The following CYP3A4 variants were observed in gnomAD, a reference collection of about 807,000 sequenced individuals.
CYP3A4 encodes the protein cytochrome P450 family 3 subfamily A member 4, also known as cytochrome P450 3A4.
A neutral mutation model predicts 54.9 loss-of-function variants in CYP3A4; 41 were observed. The ratio of observed to expected loss-of-function variants is 0.75; its 90% confidence interval spans 0.58 to 0.97. The LOEUF is 0.97. Among genes scored for constraint, CYP3A4 ranks in the 50% least tolerant of loss-of-function variants. CYP3A4 has a pLI of 0.00. For synonymous variants in CYP3A4, 179 were observed against 205.2 expected, an observed-to-expected ratio of 0.87 and a Z score of 1.09; for missense variants, 510 against 597.3, an observed-to-expected ratio of 0.85 and a Z score of 1.52.
chr7:99,761,118 C>A, intron 11 of CYP3A4, 137 bp from the exon 12 acceptor site: 1 of 939,044 alleles, frequency 1.1e-6, no homozygotes, highest in East Asian at 2.5e-5. Flanking sequence ...CATTGAAATC[C>A]TGCTATGCTT....
chr7:99,779,305 T>C (rs1481111299), intron 2 of CYP3A4, among the ~76,000 whole-genome samples: 1 of 152,130 alleles, frequency 6.6e-6, no homozygotes, highest in Non-Finnish European at 1.5e-5. Flanking sequence ...ATCTCAGTTA[T>C]ATCCAGTCTG....
chr7:99,768,494 C>T lies in CYP3A4; in HGVS notation c.530G>A (p.Gly177Glu). 4 of 1,613,760 alleles carry T rather than the reference C, an allele frequency of 2.5e-6. No homozygotes were observed. Among genetic ancestry groups the T allele is most frequent in the Non-Finnish European group, 3.4e-6 (4 of 1,179,894 alleles). The change falls in exon 7 of 13, where the codon GGG becomes GAG. Residue 177 changes from glycine (G) to glutamate (E), a missense_variant. Transcript: ENST00000651514. ...AGTGATCACATCCATGCTGTAGGCC[C>T]CAAAGACGCTGAGTGGAGAAAGATG... ...GKPVTLKDVF[G>E]AYSMDVITST...
At chr7:99,760,738 G>C in intron 12 of CYP3A4, 81 bp downstream of exon 12, 1 of 1,519,512 alleles carries the variant, frequency 6.6e-7, no homozygotes. Context: ...GATTAAACAA[G>C]CATATTCTTT....
chr7:99,760,106 A>AGTG (rs1815280890), intron 12 of CYP3A4, among the ~76,000 whole-genome samples: 1 of 152,106 alleles, frequency 6.6e-6, no homozygotes, highest in East Asian at 1.9e-4. Flanking sequence ...AAGTGCTGGG[A>AGTG]TTACAGGCAT....
intron 9 of CYP3A4, among the ~76,000 whole-genome samples, chr7:99,764,731 A>G (rs1351394697): frequency 2.0e-5 from 3 of 152,240 alleles, no homozygotes. Context: ...ATCAGGTGAT[A>G]GATCTAGGCT....
intron 6 of CYP3A4, among the ~76,000 whole-genome samples, chr7:99,769,133 AT>A (rs989112855): frequency 2.0e-5 from 3 of 152,128 alleles, no homozygotes; most frequent in South Asian, 2.1e-4. Flanking sequence ...TCAAAATTTG[AT>A]TTGGAAATTT....
intron 4 of CYP3A4, among the ~76,000 whole-genome samples, chr7:99,771,660 C>T (rs1815636852): frequency 6.6e-6 from 1 of 152,064 alleles, no homozygotes; most frequent in African/African-American, 2.4e-5. Context: ...TAAAACAAAT[C>T]TGAAAAAATA....
At chr7:99,761,473 C>A (rs1279212778) in intron 11 of CYP3A4, among the ~76,000 whole-genome samples, 13 of 151,964 alleles carry the variant, frequency 8.6e-5, no homozygotes, top group Middle Eastern at 3.4e-3. Context: ...ACCTTGTCTT[C>A]TCCCTCCTTC....
intron 8 of CYP3A4, 43 bp downstream of exon 8, chr7:99,767,088 A>G (rs1160990867): frequency 3.2e-6 from 5 of 1,585,538 alleles, no homozygotes; most frequent in Admixed American, 1.8e-5. Context: ...CTAAAAAATT[A>G]TGAAAAACTA....
At chr7:99,772,074 T>G (rs1450085647) in intron 4 of CYP3A4, among the ~76,000 whole-genome samples, 2 of 152,174 alleles carry the variant, frequency 1.3e-5, no homozygotes, top group Non-Finnish European at 2.9e-5. Flanking sequence ...AAAGGAAATA[T>G]TAATACATTG....
At chr7:99,771,936 C>T (rs1336111463) in intron 4 of CYP3A4, among the ~76,000 whole-genome samples, 3 of 151,918 alleles carry the variant, frequency 2.0e-5, no homozygotes, top group Non-Finnish European at 2.9e-5. Context: ...CAAAAAATAA[C>T]ACAAAATTGA....
intron 9 of CYP3A4, 82 bp from the exon 10 acceptor site, chr7:99,764,097 G>T: frequency 6.3e-7 from 1 of 1,595,130 alleles, no homozygotes; most frequent in Non-Finnish European, 8.6e-7. Flanking sequence ...TCTAAGTGAA[G>T]CCCTCAAATC....
intron 11 of CYP3A4, among the ~76,000 whole-genome samples, chr7:99,761,823 G>GT (rs1815340677): frequency 6.6e-6 from 1 of 152,070 alleles, no homozygotes; most frequent in African/African-American, 2.4e-5. Context: ...GACCTTCATC[G>GT]TAAGTTGTTG....
chr7:99,770,086 T>G, intron 5 of CYP3A4, 36 bp downstream of exon 5: 1 of 1,588,082 alleles, frequency 6.3e-7, no homozygotes, highest in Non-Finnish European at 8.6e-7. Context: ...GATTCATTCT[T>G]TAAGTTTCTT....
chr7:99,784,132 T>C lies in CYP3A4; in HGVS notation c.-51A>G, dbSNP rs750376422. The stretch of plus-strand genomic sequence containing the variant: ...CCTCTGAGTCTTCCTTTCAGCTCTG[T>C]GTTGCTCTTTGCTGGGCTATGTGCA... On this transcript the variant is annotated 5_prime_UTR_variant, in exon 1 of 13. Coordinates refer to ENST00000651514, the MANE Select transcript of CYP3A4 (RefSeq NM_017460.6). The C allele has an allele frequency of 1.0e-5, 16 of 1,547,486 alleles. No individual in the cohort carries two copies. Among genetic ancestry groups the C allele is most frequent in the Admixed American group, 6.7e-5 (4 of 59,818 alleles).
At position 99,758,002 on chromosome 7, in the gene CYP3A4, C is replaced by A; in HGVS notation, c.*131G>T. On this transcript the variant is annotated 3_prime_UTR_variant, in exon 13 of 13. Transcript: ENST00000651514. The stretch of plus-strand genomic sequence containing the variant: ...AGAGCTCAATGCATGTACAGAATCC[C>A]CGGTTATTTATGCAGTCCATTGGAT... 1 of 731,202 alleles carries A rather than the reference C, an allele frequency of 1.4e-6. No homozygotes were observed. The highest frequency in any genetic ancestry group is 2.7e-5 in the East Asian group (1 of 37,706). 45.3% of individuals were successfully genotyped at this position (731,202 alleles called of 1,614,324 possible). A position where few individuals can be genotyped will look rare whatever the true frequency, so the allele number is the denominator to read the frequency against.
intron 3 of CYP3A4, among the ~76,000 whole-genome samples, chr7:99,775,628 T>G (rs749718134): frequency 5.9e-5 from 9 of 152,184 alleles, no homozygotes; most frequent in Non-Finnish European, 1.3e-4. Flanking sequence ...TTGGTGAAAC[T>G]GCCTAGCCAT....
intron 1 of CYP3A4, among the ~76,000 whole-genome samples, chr7:99,780,983 A>G (rs972494317): frequency 6.6e-6 from 1 of 152,114 alleles, no homozygotes; most frequent in Admixed American, 6.5e-5. Flanking sequence ...CCCTACCAAA[A>G]TCTCATGTTG....
At chr7:99,766,567 A>G (rs1365367893) in intron 8 of CYP3A4, 124 bp from the exon 9 acceptor site, 4 of 1,175,410 alleles carry the variant, frequency 3.4e-6, no homozygotes, top group Non-Finnish European at 4.9e-6. Context: ...AATCTGATGC[A>G]TGTTGCCTGA....
Sources: gnomAD v4.1 joint callset for allele counts (sites outside exome capture counted in the v4.1 genomes callset) on GRCh38, gnomAD v4.1.1 for gene constraint, MANE v1.5 for transcripts, NCBI Gene and HGNC (gene_info 2026-07-23, HGNC 2026-07-21) for gene names.